The following PCDHGA10 variants were observed in gnomAD, a reference collection of about 807,000 sequenced individuals.
PCDHGA10 encodes protocadherin gamma subfamily A, 10.
A neutral mutation model predicts 59.5 loss-of-function variants in PCDHGA10; 42 were observed. That is an observed-to-expected ratio of 0.71 (90% CI 0.55 to 0.91). PCDHGA10 has a LOEUF of 0.91. PCDHGA10 is among the 40% of genes least tolerant of loss of function. The pLI, the probability that PCDHGA10 is intolerant of heterozygous loss-of-function variation, is 0.00. For missense variants in PCDHGA10, 1,111 were observed against 1,198.2 expected (o/e 0.93, Z 1.07); for synonymous variants, 511 against 517.2 (o/e 0.99, Z 0.16).
intron 1 of PCDHGA10, among the ~76,000 whole-genome samples, chr5:141,475,250 A>G (rs941738675): frequency 6.6e-6 from 1 of 152,246 alleles, no homozygotes; most frequent in Non-Finnish European, 1.5e-5. Context: ...AGTGTGCTCT[A>G]CAACTGAGAT....
chr5:141,430,822 G>C lies in PCDHGA10; in HGVS notation c.2436+15211G>C, dbSNP rs752634890. 5.8e-6 allele frequency: 9 copies of C among 1,542,380 alleles called. No homozygotes were observed. The African/African-American group carries it at 1.1e-4, about 19-fold the overall frequency. On this transcript the variant is annotated intron_variant, in intron 1 of 3. Transcript: ENST00000398610. ...TTGTCCTGCTGGGAATCCTCCTGGGGACTCTGTGGGAGACCGGATGCACCC... is the reference window on the plus strand; with the variant it reads ...TTGTCCTGCTGGGAATCCTCCTGGGCACTCTGTGGGAGACCGGATGCACCC...
Position 141,489,273 on chromosome 5 carries a change from G to GA in PCDHGA10, c.2437-5531dup. The GA allele has an allele frequency of 6.4e-7, 1 of 1,555,870 alleles. No individual in the cohort carries two copies. The highest frequency in any genetic ancestry group is 2.2e-5 in the East Asian group (1 of 44,466). On this transcript the variant is annotated intron_variant, in intron 1 of 3. Coordinates refer to ENST00000398610, the MANE Select transcript of PCDHGA10 (RefSeq NM_018913.3). The surrounding 1 kb of genome is among the most constrained non-coding windows in gnomAD (Gnocchi z 4.5). ...CCAAGACACTCCCACAGCTCGCTGG[G>GA]AAATGGCAAGTGCTGTGCATGTTGT...
intron 1 of PCDHGA10, among the ~76,000 whole-genome samples, chr5:141,435,225 A>G (rs919735003): frequency 5.9e-5 from 9 of 152,188 alleles, no homozygotes; most frequent in Non-Finnish European, 1.2e-4. Context: ...CTTTCTTTCA[A>G]AGTTCAGTAA....
At chr5:141,500,729 C>T (rs1434863449) in intron 2 of PCDHGA10, among the ~76,000 whole-genome samples, 2 of 152,130 alleles carry the variant, frequency 1.3e-5, no homozygotes, top group Non-Finnish European at 2.9e-5. Flanking sequence ...CCATGTCTTT[C>T]AAAATTCTTC....
intron 2 of PCDHGA10, among the ~76,000 whole-genome samples, chr5:141,497,487 T>TCTCTCTCTC (rs1223198472): frequency 1.3e-5 from 2 of 151,562 alleles, no homozygotes; most frequent in Non-Finnish European, 2.9e-5. Flanking sequence ...GCGGAACCTC[T>TCTCTCTCTC]CTCTCTCTCC....
Position 141,432,731 on chromosome 5 carries a change from G to C in PCDHGA10, c.2436+17120G>C, listed in dbSNP as rs1244820860. On this transcript the variant is annotated intron_variant, in intron 1 of 3. Coordinates refer to ENST00000398610, the MANE Select transcript of PCDHGA10 (RefSeq NM_018913.3). This position sits in a 1 kb window ranked among gnomAD's most constrained non-coding sequence, Gnocchi z 6.0. ...CGGCCAGCCCCCTCTCTCCGCCACT[G>C]TCACGCTCACCGTGGCCGTGGCCGA... The C allele has an allele frequency of 6.2e-7, 1 of 1,614,068 alleles. No homozygotes were observed.
In PCDHGA10 at chr5:141,503,070, G is replaced by A. The variant is rs868143537; in HGVS notation, c.2496-2323G>A. 1.5e-4 allele frequency among the ~76,000 whole-genome samples: 23 copies of A among 151,614 alleles called. No individual in the cohort carries two copies. The Middle Eastern group carries it at 0.01, about 68-fold the overall frequency. On this transcript the variant is annotated intron_variant, in intron 2 of 3. Coordinates refer to ENST00000398610, the MANE Select transcript of PCDHGA10 (RefSeq NM_018913.3). ...GGGTTTCACCATGTTGGTCAGAATGGTCTCGATCTCCTGACCTCGTGGTCT... is the reference window on the plus strand; with the variant it reads ...GGGTTTCACCATGTTGGTCAGAATGATCTCGATCTCCTGACCTCGTGGTCT...
At position 141,489,646 on chromosome 5, in the gene PCDHGA10, C is replaced by A. The variant is rs1274955075; in HGVS notation, c.2437-5161C>A. 1.2e-6 allele frequency: 2 copies of A among 1,614,186 alleles called. No homozygotes were observed. The highest frequency in any genetic ancestry group is 2.7e-5 in the African/African-American group (2 of 75,048). On this transcript the variant is annotated intron_variant, in intron 1 of 3. Coordinates refer to ENST00000398610, the MANE Select transcript of PCDHGA10 (RefSeq NM_018913.3). This position sits in a 1 kb window ranked among gnomAD's most constrained non-coding sequence, Gnocchi z 4.5. Reference sequence around the variant, plus strand: ...TGACAACTCTCCTAGCTTTGCCACCCCTGAGCGAGAGATGCGCATCTCAGA... The same window carrying A: ...TGACAACTCTCCTAGCTTTGCCACCACTGAGCGAGAGATGCGCATCTCAGA...
intron 1 of PCDHGA10, among the ~76,000 whole-genome samples, chr5:141,436,521 C>T (rs2097829891): frequency 6.6e-6 from 1 of 152,086 alleles, no homozygotes; most frequent in African/African-American, 2.4e-5. Flanking sequence ...AACTGTGTCA[C>T]CTTTAGCAAG....
chr5:141,428,043 A>C (rs765740380), intron 1 of PCDHGA10: 1 of 1,608,722 alleles, frequency 6.2e-7, no homozygotes, highest in South Asian at 1.1e-5. Context: ...CTACCTGGTG[A>C]CCAAGGTGGT....
Position 141,431,132 on chromosome 5 carries a change from G to A in PCDHGA10, c.2436+15521G>A. On this transcript the variant is annotated intron_variant, in intron 1 of 3. Coordinates refer to ENST00000398610, the MANE Select transcript of PCDHGA10 (RefSeq NM_018913.3). This position sits in a 1 kb window ranked among gnomAD's most constrained non-coding sequence, Gnocchi z 4.8. ...ATATGGAGTAGAAGTAGAAGTAAGGGACATTAACGACAATGCGCCTTACTT... is the reference window on the plus strand; with the variant it reads ...ATATGGAGTAGAAGTAGAAGTAAGGAACATTAACGACAATGCGCCTTACTT... 2 of 1,614,232 alleles carry A rather than the reference G, an allele frequency of 1.2e-6. No individual in the cohort carries two copies. The highest frequency in any genetic ancestry group is 8.5e-7 in the Non-Finnish European group (1 of 1,180,024).
rs773624580 is a variant in PCDHGA10 at position 141,489,715 on chromosome 5, G to A, written c.2437-5092G>A. On this transcript the variant is annotated intron_variant, in intron 1 of 3. Transcript: ENST00000398610. The surrounding 1 kb of genome is among the most constrained non-coding windows in gnomAD (Gnocchi z 4.5). ...ACGATTCCCACTGGACAGTGCCCAG[G>A]ATCCGGATGTGGGCACCAATACTGT... The A allele has an allele frequency of 6.2e-6, 10 of 1,614,004 alleles. No homozygotes were observed. The highest frequency in any genetic ancestry group is 2.2e-5 in the East Asian group (1 of 44,886).
intron 1 of PCDHGA10, chr5:141,478,272 A>G: frequency 6.2e-7 from 1 of 1,614,160 alleles, no homozygotes; most frequent in Non-Finnish European, 8.5e-7. Context: ...AAAGTTTACA[A>G]GTGGAAGCAG....
In PCDHGA10 at chr5:141,491,638, G is replaced by A. The variant is rs2099723160; in HGVS notation, c.2437-3169G>A. The A allele has an allele frequency of 6.2e-7, 1 of 1,613,898 alleles. No individual in the cohort carries two copies. The highest frequency in any genetic ancestry group is 1.3e-5 in the African/African-American group (1 of 75,074). ...ACCCCTCAGCGTTCAGCAGCCCACA[G>A]CTCTGGCGCTGGAGCCTGACGCCAT... On this transcript the variant is annotated intron_variant, in intron 1 of 3. Coordinates refer to ENST00000398610, the MANE Select transcript of PCDHGA10 (RefSeq NM_018913.3). The surrounding 1 kb of genome is among the most constrained non-coding windows in gnomAD (Gnocchi z 6.9).
At chr5:141,497,013 A>G (rs2099773320) in intron 2 of PCDHGA10, among the ~76,000 whole-genome samples, 1 of 151,990 alleles carries the variant, frequency 6.6e-6, no homozygotes, top group Admixed American at 6.6e-5. Context: ...ACATGGTGAA[A>G]CCCCATCTCG....
intron 1 of PCDHGA10, chr5:141,478,451 G>A (rs377597887): frequency 2.5e-6 from 4 of 1,613,440 alleles, no homozygotes; most frequent in African/African-American, 2.7e-5. Context: ...ACCTGGTGCA[G>A]CCAGTCCACT....
chr5:141,451,163 G>A (rs2098709493), intron 1 of PCDHGA10, among the ~76,000 whole-genome samples: 1 of 152,086 alleles, frequency 6.6e-6, no homozygotes, highest in African/African-American at 2.4e-5. Flanking sequence ...TTTTTTGGTA[G>A]TATATTATTT....
Position 141,431,363 on chromosome 5 carries a change from C to A in PCDHGA10, c.2436+15752C>A. ...ATTGGTGCTGAAACGCGCCCTGGAC[C>A]GCGAAGAAAAGGCTGCTCACCACCT... On this transcript the variant is annotated intron_variant, in intron 1 of 3. Transcript: ENST00000398610. The surrounding 1 kb of genome is among the most constrained non-coding windows in gnomAD (Gnocchi z 4.8). 1 of 1,614,024 alleles carries A rather than the reference C, an allele frequency of 6.2e-7. No homozygotes were observed. Among genetic ancestry groups the A allele is most frequent in the Non-Finnish European group, 8.5e-7 (1 of 1,180,028 alleles).
chr5:141,490,051 G>T lies in PCDHGA10; in HGVS notation c.2437-4756G>T, dbSNP rs779280988. On this transcript the variant is annotated intron_variant, in intron 1 of 3. Coordinates refer to ENST00000398610, the MANE Select transcript of PCDHGA10 (RefSeq NM_018913.3). The surrounding 1 kb of genome is among the most constrained non-coding windows in gnomAD (Gnocchi z 5.4). ...CCGCCTCAATGCCACTGATCCAGACGAGGGCACCAACGGCCAACTAGACTA... is the reference window on the plus strand; with the variant it reads ...CCGCCTCAATGCCACTGATCCAGACTAGGGCACCAACGGCCAACTAGACTA... 3 of 1,614,214 alleles carry T rather than the reference G, an allele frequency of 1.9e-6. No homozygotes were observed. The Middle Eastern group carries it at 4.9e-4, about 266-fold the overall frequency.
Sources: gnomAD v4.1 joint callset for allele counts (sites outside exome capture counted in the v4.1 genomes callset) on GRCh38, gnomAD v4.1.1 for gene constraint, Gnocchi (gnomAD v3.1) non-coding constraint, MANE v1.5 for transcripts, NCBI Gene and HGNC (gene_info 2026-07-23, HGNC 2026-07-21) for gene names.